The following ZNF280C variants were observed in gnomAD, a reference collection of about 807,000 sequenced individuals.
ZNF280C encodes zinc finger protein 280C, also known as suppressor of hairy wing homolog 3.
A neutral mutation model predicts 53.6 loss-of-function variants in ZNF280C; 14 were observed. That is an observed-to-expected ratio of 0.26 (90% CI 0.17 to 0.41). The LOEUF (loss-of-function observed/expected upper bound fraction) is 0.41. Ranked by LOEUF, ZNF280C falls within the 10% of genes least tolerant of loss-of-function variation. The pLI, the probability that ZNF280C is intolerant of heterozygous loss-of-function variation, is 1.00. For synonymous variants in ZNF280C, 203 were observed against 181.1 expected, an observed-to-expected ratio of 1.12 and a Z score of -0.97; for missense variants, 416 against 547.1, an observed-to-expected ratio of 0.76 and a Z score of 2.39.
intron 2 of ZNF280C, 61 bp downstream of exon 2, chrX:130,260,358 T>C (rs1317836486): frequency 1.1e-6 from 1 of 945,142 alleles, no homozygotes; most frequent in Admixed American, 3.1e-5. Flanking sequence ...ATCTTTTCTT[T>C]TGAAAGGTTT....
intron 16 of ZNF280C, among the ~76,000 whole-genome samples, chrX:130,208,842 C>T (rs182450498): frequency 0.011 from 1,161 of 109,521 alleles, 13 homozygotes; most frequent in Non-Finnish European, 0.016. Context: ...ATTACAGGTG[C>T]CTGCCACCAT....
At chrX:130,235,822 C>T (rs1211467142) in intron 8 of ZNF280C, among the ~76,000 whole-genome samples, 1 of 111,664 alleles carries the variant, frequency 9.0e-6, no homozygotes, top group Non-Finnish European at 1.9e-5. Flanking sequence ...AATAACCAAC[C>T]TCTCTTCCTC....
chrX:130,243,618 T>C lies in ZNF280C; in HGVS notation c.326A>G (p.His109Arg). Residue 109 changes from histidine to arginine, a missense_variant, in exon 5 of 19, where the codon CAT (histidine) becomes CGT (arginine). His to Arg is a conservative substitution (Grantham distance 29). This residue lies in a region of ZNF280C where 193 missense variants were observed against 201.4 expected (regional missense o/e 0.96). Coordinates refer to ENST00000370978, the MANE Select transcript of ZNF280C (RefSeq NM_017666.5). ...SNPVAASPRF[H>R]LVSKSSQSSV... ...GCTTTGTGAAGATTTAGATACAAGA[T>C]GAAATCTAGGCGAGGCAGCCACTGG... is the stretch of plus-strand genomic sequence containing the variant. The C allele has an allele frequency of 5.0e-6, 6 of 1,210,808 alleles. No individual in the cohort carries two copies. Among genetic ancestry groups the C allele is most frequent in the Non-Finnish European group, 6.7e-6 (6 of 894,451 alleles).
intron 9 of ZNF280C, among the ~76,000 whole-genome samples, 195 bp from the exon 10 acceptor site, chrX:130,229,329 T>A (rs2032254476): frequency 8.9e-6 from 1 of 112,484 alleles, no homozygotes; most frequent in Non-Finnish European, 1.9e-5. Flanking sequence ...AAGGTTTTTT[T>A]ATCTTTGTTT....
At chrX:130,255,466 T>A in intron 2 of ZNF280C, among the ~76,000 whole-genome samples, 1 of 97,062 alleles carries the variant, frequency 1.0e-5, no homozygotes. Context: ...AGGTATAAAA[T>A]GCACCTAACA....
chrX:130,254,280 G>C (rs1354683577), intron 2 of ZNF280C, among the ~76,000 whole-genome samples: 3 of 111,887 alleles, frequency 2.7e-5, no homozygotes, highest in Non-Finnish European at 3.8e-5. Context: ...AGGTTGCAGA[G>C]AAAAAGGAAC....
chrX:130,216,117 C>CA lies in ZNF280C; in HGVS notation c.1528-17dup, dbSNP rs772107486. Reference sequence around the variant, plus strand: ...GAATAGTAACCTATAAAAACAAAGCCAATACATATTTTTAGAAAAGTAACC... The same window carrying CA: ...GAATAGTAACCTATAAAAACAAAGCCAAATACATATTTTTAGAAAAGTAACC... On this transcript the variant is annotated splice_polypyrimidine_tract_variant and intron_variant, in intron 13 of 18. Transcript: ENST00000370978. The CA allele has an allele frequency of 8.7e-7, 1 of 1,152,247 alleles. No homozygotes were observed. Among genetic ancestry groups the CA allele is most frequent in the Admixed American group, 2.6e-5 (1 of 38,513 alleles). The allele number at this position is 1,152,247 out of a possible 1,213,427, so 95.0% of individuals were successfully genotyped here.
intron 16 of ZNF280C, among the ~76,000 whole-genome samples, chrX:130,208,714 T>A (rs910508450): frequency 5.5e-5 from 6 of 109,559 alleles, no homozygotes; most frequent in African/African-American, 2.0e-4. Flanking sequence ...TTTTTTTTTT[T>A]AGATGGAGTT....
At position 130,208,841 on chromosome X, in the gene ZNF280C, G is replaced by A. The variant is rs572650231; in HGVS notation, c.2042+812C>T. Among the ~76,000 whole-genome samples, 63 of 109,645 alleles carry A rather than the reference G, an allele frequency of 5.7e-4. 2 individuals carry two copies. In the South Asian group the frequency reaches 0.025, roughly 43 times the overall value. The stretch of plus-strand genomic sequence containing the variant: ...CTCCCAAGTAGCTGGGATTACAGGT[G>A]CCTGCCACCATGCCCGGCTAATTTT... On this transcript the variant is annotated intron_variant, in intron 16 of 18. Coordinates refer to ENST00000370978, the MANE Select transcript of ZNF280C (RefSeq NM_017666.5).
chrX:130,209,565 T>A, intron 16 of ZNF280C, 88 bp downstream of exon 16: 1 of 864,912 alleles, frequency 1.2e-6, no homozygotes, highest in Non-Finnish European at 1.7e-6. Context: ...CAGAACTCTA[T>A]CATTTCCAAA....
At chrX:130,250,941 A>AT (rs757215204) in intron 2 of ZNF280C, among the ~76,000 whole-genome samples, 1 of 109,972 alleles carries the variant, frequency 9.1e-6, no homozygotes, top group South Asian at 3.9e-4. Flanking sequence ...CTCTACTAAA[A>AT]TACAAAATTA....
At chrX:130,266,304 C>G (rs977404977) in intron 1 of ZNF280C, among the ~76,000 whole-genome samples, 17 of 111,234 alleles carry the variant, frequency 1.5e-4, no homozygotes, top group Non-Finnish European at 3.0e-4. Flanking sequence ...CTCATAGAAA[C>G]AGAGAGTAGA....
intron 12 of ZNF280C, among the ~76,000 whole-genome samples, chrX:130,222,244 A>G (rs1397208184): frequency 4.0e-5 from 4 of 101,155 alleles, no homozygotes; most frequent in Non-Finnish European, 5.9e-5. Context: ...CATGGTACTT[A>G]CCATCAGCTG....
At chrX:130,213,305 G>A (rs1443204754) in intron 15 of ZNF280C, among the ~76,000 whole-genome samples, 4 of 112,216 alleles carry the variant, frequency 3.6e-5, no homozygotes, top group Admixed American at 1.9e-4. Context: ...CCCGGGAGGC[G>A]GAGCTTGCAG....
rs183285095 is a variant in ZNF280C at position 130,234,319 on chromosome X, T to C, written c.771+1895A>G. 2.7e-5 allele frequency among the ~76,000 whole-genome samples: 3 copies of C among 111,071 alleles called. No individual in the cohort carries two copies. The Admixed American group carries it at 2.9e-4, about 11-fold the overall frequency. ...AGGACACTATAAAAATGCTAAAGGGTGCACCCACAATGAATCGTAAGAGAT... is the reference window on the plus strand; with the variant it reads ...AGGACACTATAAAAATGCTAAAGGGCGCACCCACAATGAATCGTAAGAGAT... On this transcript the variant is annotated intron_variant, in intron 8 of 18. Coordinates refer to ENST00000370978, the MANE Select transcript of ZNF280C (RefSeq NM_017666.5).
chrX:130,214,927 GA>G (rs1245727750), intron 15 of ZNF280C, among the ~76,000 whole-genome samples: 10 of 110,555 alleles, frequency 9.0e-5, no homozygotes, highest in Non-Finnish European at 1.9e-4. Flanking sequence ...AGACATAAAA[GA>G]AAAAAAAGTC....
At chrX:130,226,213 T>C (rs758622810) in intron 12 of ZNF280C, among the ~76,000 whole-genome samples, 14 of 112,356 alleles carry the variant, frequency 1.2e-4, no homozygotes, top group Non-Finnish European at 2.6e-4. Context: ...TTTCCTTTGT[T>C]ACTGGCTGCT....
At chrX:130,246,644 T>C (rs1273320713) in intron 3 of ZNF280C, among the ~76,000 whole-genome samples, 2 of 112,048 alleles carry the variant, frequency 1.8e-5, no homozygotes, top group Non-Finnish European at 3.8e-5. Flanking sequence ...TTATTTCCTT[T>C]TGCTCACATC....
intron 2 of ZNF280C, among the ~76,000 whole-genome samples, chrX:130,259,430 G>A (rs1369798850): frequency 8.9e-6 from 1 of 112,150 alleles, no homozygotes; most frequent in Non-Finnish European, 1.9e-5. Flanking sequence ...AAATAAATAG[G>A]TCTTCCCCAT....
Sources: allele counts gnomAD v4.1 joint callset (sites outside exome capture counted in the v4.1 genomes callset), GRCh38; gene constraint gnomAD v4.1.1; regional missense constraint gnomAD v4.1.1; transcripts MANE v1.5; gene names NCBI Gene and HGNC (gene_info 2026-07-23, HGNC 2026-07-21).